The following SLC38A6 variants were observed in gnomAD, a reference collection of about 807,000 sequenced individuals.
The protein encoded by SLC38A6 is solute carrier family 38 member 6.
In SLC38A6, 73 loss-of-function variants were observed where a neutral mutation model predicts 65.0. The ratio of observed to expected loss-of-function variants is 1.12; its 90% CI spans 0.93 to 1.37. The LOEUF (loss-of-function observed/expected upper bound fraction) is 1.37. Ranked by LOEUF, SLC38A6 falls within the 40% of genes most tolerant of loss-of-function variation. The pLI, the probability that SLC38A6 is intolerant of heterozygous loss-of-function variation, is 0.00. For synonymous variants in SLC38A6, 183 were observed against 178.8 expected (o/e 1.02, Z -0.19); for missense variants, 561 against 531.1 (o/e 1.06, Z -0.55).
At chr14:60,983,569 C>G (rs1469715367) in intron 2 of SLC38A6, among the ~76,000 whole-genome samples, 2 of 152,174 alleles carry the variant, frequency 1.3e-5, no homozygotes, top group African/African-American at 4.8e-5. Context: ...AACAAATTGG[C>G]TTTGTCAGTA....
At chr14:61,048,749 G>C (rs2042318976) in intron 12 of SLC38A6, among the ~76,000 whole-genome samples, 1 of 152,152 alleles carries the variant, frequency 6.6e-6, no homozygotes, top group African/African-American at 2.4e-5. Flanking sequence ...TCTGATTACA[G>C]CTGTGAAAGG....
chr14:61,032,257 A>G (rs2041045993), intron 6 of SLC38A6, among the ~76,000 whole-genome samples: 1 of 151,764 alleles, frequency 6.6e-6, no homozygotes. Context: ...GCTCCTATTT[A>G]TATTCTTTTA....
chr14:61,022,549 GATT>G (rs2040400214), intron 5 of SLC38A6, among the ~76,000 whole-genome samples: 1 of 150,262 alleles, frequency 6.7e-6, no homozygotes, highest in Non-Finnish European at 1.5e-5. Flanking sequence ...AATGGATTTT[GATT>G]ATTTTCTTTA....
chr14:60,981,551 C>A (rs1466358771), intron 1 of SLC38A6, 169 bp downstream of exon 1: 1 of 1,529,420 alleles, frequency 6.5e-7, no homozygotes, highest in Non-Finnish European at 8.7e-7. Context: ...ATGAGATTGG[C>A]GCAGTTATGA....
chr14:61,026,571 GT>G (rs2040624352), intron 5 of SLC38A6, among the ~76,000 whole-genome samples: 1 of 152,050 alleles, frequency 6.6e-6, no homozygotes, highest in Non-Finnish European at 1.5e-5. Context: ...TTCAAAAGTA[GT>G]TTGTTTAAAT....
chr14:61,057,844 C>G (rs1038016278), intron 15 of SLC38A6, among the ~76,000 whole-genome samples: 1 of 126,506 alleles, frequency 7.9e-6, no homozygotes, highest in African/African-American at 3.1e-5. Flanking sequence ...CTGGTTTAGT[C>G]TTGGGAGAGT....
chr14:61,073,026 C>G (rs559246523), intron 15 of SLC38A6, among the ~76,000 whole-genome samples: 4 of 152,288 alleles, frequency 2.6e-5, no homozygotes, highest in Admixed American at 1.3e-4. Context: ...TTCCCCTTTT[C>G]TCCACATCCT....
intron 10 of SLC38A6, among the ~76,000 whole-genome samples, chr14:61,044,887 G>A (rs191914753): frequency 2.0e-5 from 3 of 152,240 alleles, no homozygotes; most frequent in African/African-American, 7.2e-5. Flanking sequence ...CCCTTGGATT[G>A]AGTTCATGAA....
chr14:61,019,338 A>G (rs1246715016), intron 4 of SLC38A6, among the ~76,000 whole-genome samples: 1 of 152,210 alleles, frequency 6.6e-6, no homozygotes, highest in African/African-American at 2.4e-5. Context: ...TCTTTATAGT[A>G]ACTTTGGAAC....
At chr14:60,991,570 C>T (rs183013518) in intron 3 of SLC38A6, among the ~76,000 whole-genome samples, 1 of 152,226 alleles carries the variant, frequency 6.6e-6, no homozygotes, top group East Asian at 1.9e-4. Flanking sequence ...TCACTCTTCC[C>T]CAGTCGTGCT....
chr14:61,038,213 G>A (rs1594694233), intron 8 of SLC38A6, among the ~76,000 whole-genome samples: 1 of 151,700 alleles, frequency 6.6e-6, no homozygotes, highest in Admixed American at 6.6e-5. Context: ...TCACATGTGG[G>A]ATATATTCCT....
chr14:61,030,258 C>G (rs1021080533), intron 5 of SLC38A6, among the ~76,000 whole-genome samples, 187 bp from the exon 6 acceptor site: 70 of 120,460 alleles, frequency 5.8e-4, no homozygotes, highest in African/African-American at 2.2e-3. Flanking sequence ...TCTACAGTTA[C>G]TTTTCTGTGT....
chr14:61,015,358 G>A (rs1025788741), intron 3 of SLC38A6, among the ~76,000 whole-genome samples: 9 of 152,056 alleles, frequency 5.9e-5, no homozygotes, highest in African/African-American at 1.2e-4. Context: ...ACCCTGCTTC[G>A]GCTCATGCTC....
chr14:60,998,941 T>C (rs1186694695), intron 3 of SLC38A6, among the ~76,000 whole-genome samples: 1 of 152,198 alleles, frequency 6.6e-6, no homozygotes, highest in Non-Finnish European at 1.5e-5. Flanking sequence ...TAAATGTTCA[T>C]GGACAACTAA....
At chr14:61,046,291 T>C in intron 12 of SLC38A6, 124 bp downstream of exon 12, 1 of 605,706 alleles carries the variant, frequency 1.7e-6, no homozygotes. Context: ...CAAATTACAA[T>C]GCAGTACTGT....
chr14:61,037,479 C>T (rs1383641718), intron 7 of SLC38A6, 146 bp from the exon 8 acceptor site: 5 of 621,784 alleles, frequency 8.0e-6, no homozygotes, highest in Non-Finnish European at 1.4e-5. Context: ...TGATCTGTGA[C>T]AGATAGTTGG....
chr14:61,064,332 C>T (rs2042955544), intron 15 of SLC38A6, among the ~76,000 whole-genome samples: 1 of 152,060 alleles, frequency 6.6e-6, no homozygotes, highest in Non-Finnish European at 1.5e-5. Context: ...ATAAGTCTAA[C>T]TCCAGTAATA....
chr14:60,991,315 C>G (rs2037862459), intron 3 of SLC38A6, among the ~76,000 whole-genome samples: 1 of 152,112 alleles, frequency 6.6e-6, no homozygotes, highest in Non-Finnish European at 1.5e-5. Context: ...TAATTTTTAT[C>G]TTATGTAACA....
chr14:61,048,120 A>G, intron 12 of SLC38A6: 1 of 452,962 alleles, frequency 2.2e-6, no homozygotes, highest in South Asian at 1.6e-5. Flanking sequence ...ATCATAACCA[A>G]GAAAAACCTT....
Sources: gnomAD v4.1 joint callset for allele counts (sites outside exome capture counted in the v4.1 genomes callset) on GRCh38, gnomAD v4.1.1 for gene constraint, MANE v1.5 for transcripts, NCBI Gene and HGNC (gene_info 2026-07-23, HGNC 2026-07-21) for gene names.